The following SDK1 variants were observed in gnomAD, a reference collection of about 807,000 sequenced individuals.
SDK1 encodes protein sidekick-1.
A neutral mutation model predicts 245.5 loss-of-function variants in SDK1; 157 were observed. The ratio of observed to expected loss-of-function variants is 0.64; its 90% CI spans 0.56 to 0.73. The LOEUF (loss-of-function observed/expected upper bound fraction) is 0.73. Ranked by LOEUF, SDK1 falls within the 30% of genes least tolerant of loss-of-function variation. The pLI is 0.00. For synonymous variants in SDK1, 1,647 were observed against 1,278.5 expected (o/e 1.29, Z -6.15); for missense variants, 3,583 against 3,002.3 (o/e 1.19, Z -4.52).
Position 3,819,298 on chromosome 7 carries a change from C to T in SDK1, c.714-2152C>T, listed in dbSNP as rs556811431. On this transcript the variant is annotated intron_variant, in intron 4 of 44. Coordinates refer to ENST00000404826, the MANE Select transcript of SDK1 (RefSeq NM_152744.4). ...TTAAAAACTAAAAGAAAAAGATAAG[C>T]TTAAAGATAAAAGTTATAATAGATG... 3.3e-5 allele frequency among the ~76,000 whole-genome samples: 5 copies of T among 151,212 alleles called. No individual in the cohort carries two copies. In the South Asian group the frequency reaches 8.4e-4, roughly 25 times the overall value.
chr7:3,466,610 A>G (rs1482170917), intron 1 of SDK1, among the ~76,000 whole-genome samples: 1 of 151,220 alleles, frequency 6.6e-6, no homozygotes, highest in Non-Finnish European at 1.5e-5. Flanking sequence ...TTTTTTGAGC[A>G]TGTTCCATAT....
At chr7:3,872,562 T>C (rs1780982905) in intron 5 of SDK1, among the ~76,000 whole-genome samples, 1 of 148,742 alleles carries the variant, frequency 6.7e-6, no homozygotes, top group African/African-American at 2.5e-5. Context: ...TTTATGGTCA[T>C]AGGATTGTTT....
intron 20 of SDK1, among the ~76,000 whole-genome samples, chr7:4,072,796 G>A (rs1351899489): frequency 6.6e-6 from 1 of 152,206 alleles, no homozygotes; most frequent in Non-Finnish European, 1.5e-5. Context: ...CAGAGGCGCT[G>A]TTGGAAACGT....
At chr7:3,704,378 A>G (rs1324158740) in intron 4 of SDK1, among the ~76,000 whole-genome samples, 88 of 133,182 alleles carry the variant, frequency 6.6e-4, no homozygotes, top group South Asian at 3.6e-3. Context: ...TTTTTTTTTT[A>G]CTTTTTAATA....
At position 3,848,518 on chromosome 7, in the gene SDK1, C is replaced by T. The variant is rs963886189; in HGVS notation, c.847+26935C>T. Among the ~76,000 whole-genome samples, 40 of 151,990 alleles carry T rather than the reference C, an allele frequency of 2.6e-4. 1 individual carries two copies. The highest frequency in any genetic ancestry group is 1.9e-4 in the East Asian group (1 of 5,180). ...GAGCAGGCAGCTTTCAGAAGGAGGACGCATGGAAGGTGGATATCTACTAAT... is the reference window on the plus strand; with the variant it reads ...GAGCAGGCAGCTTTCAGAAGGAGGATGCATGGAAGGTGGATATCTACTAAT... On this transcript the variant is annotated intron_variant, in intron 5 of 44. Transcript: ENST00000404826.
chr7:3,814,354 A>G (rs989724947), intron 4 of SDK1, among the ~76,000 whole-genome samples: 6 of 148,526 alleles, frequency 4.0e-5, no homozygotes, highest in African/African-American at 1.3e-4. Flanking sequence ...TCCCAGCACC[A>G]TTTATTAAAT....
chr7:3,639,049 C>A lies in SDK1; in HGVS notation c.504C>A (p.Arg168=). The A allele has an allele frequency of 6.2e-7, 1 of 1,606,204 alleles. No individual in the cohort carries two copies. Among genetic ancestry groups the A allele is most frequent in the Non-Finnish European group, 8.5e-7 (1 of 1,174,148 alleles). ...SLQKLDAGFY[R]CVVRNRMGAL... ...AGAAGCTCGATGCTGGGTTTTACCG[C>A]TGCGTGGTGCGAAACAGAATGGGAG... Residue 168 remains arginine, a synonymous_variant, in exon 3 of 45, where the codon CGC becomes CGA. Transcript: ENST00000404826.
chr7:3,394,992 T>C (rs1469604489), intron 1 of SDK1, among the ~76,000 whole-genome samples: 1 of 152,056 alleles, frequency 6.6e-6, no homozygotes, highest in African/African-American at 2.4e-5. Context: ...GAATGTCTTT[T>C]ATTTGTTTTT....
intron 1 of SDK1, among the ~76,000 whole-genome samples, chr7:3,613,449 A>G (rs1329207274): frequency 2.6e-5 from 4 of 151,924 alleles, no homozygotes; most frequent in Non-Finnish European, 4.4e-5. Flanking sequence ...TTTCTCCACA[A>G]CCTCTCCAGC....
intron 5 of SDK1, among the ~76,000 whole-genome samples, chr7:3,889,890 C>T (rs1781418518): frequency 6.6e-6 from 1 of 152,196 alleles, no homozygotes; most frequent in African/African-American, 2.4e-5. Context: ...GCCAGTCAAC[C>T]TCTTCCAGCT....
At chr7:3,909,247 G>A (rs1204314331) in intron 5 of SDK1, among the ~76,000 whole-genome samples, 1 of 152,100 alleles carries the variant, frequency 6.6e-6, no homozygotes, top group African/African-American at 2.4e-5. Context: ...CTGTCCTCTA[G>A]TTCAGCTCTG....
chr7:3,711,917 G>C (rs1785062359), intron 4 of SDK1, among the ~76,000 whole-genome samples: 1 of 152,192 alleles, frequency 6.6e-6, no homozygotes, highest in African/African-American at 2.4e-5. Context: ...CTGTTTTCCT[G>C]TGCGGGCAAG....
intron 25 of SDK1, among the ~76,000 whole-genome samples, chr7:4,117,436 C>G (rs1351745745): frequency 6.6e-6 from 1 of 152,204 alleles, no homozygotes; most frequent in African/African-American, 2.4e-5. Context: ...CCACTGCATT[C>G]CAGCCTGGCC....
chr7:4,211,001 G>T (rs1296809959), intron 38 of SDK1, among the ~76,000 whole-genome samples: 3 of 152,134 alleles, frequency 2.0e-5, no homozygotes, highest in African/African-American at 7.2e-5. Flanking sequence ...GGCAGAGCTT[G>T]GGTGGTGCTG....
At chr7:3,992,599 G>A (rs1003396813) in intron 14 of SDK1, among the ~76,000 whole-genome samples, 5 of 152,208 alleles carry the variant, frequency 3.3e-5, no homozygotes, top group Admixed American at 3.3e-4. Flanking sequence ...AAAGCATTTG[G>A]CCCACTCTCT....
intron 32 of SDK1, among the ~76,000 whole-genome samples, chr7:4,172,382 A>G (rs1394960852): frequency 6.6e-6 from 1 of 152,130 alleles, no homozygotes; most frequent in Non-Finnish European, 1.5e-5. Context: ...CCTCGTTGCT[A>G]CCACAGTGCA....
At chr7:3,406,800 C>A (rs1043611513) in intron 1 of SDK1, among the ~76,000 whole-genome samples, 1 of 152,194 alleles carries the variant, frequency 6.6e-6, no homozygotes, top group South Asian at 2.1e-4. Flanking sequence ...TAAACATGTG[C>A]GTGTATACAT....
At chr7:3,346,266 C>G (rs1243149367) in intron 1 of SDK1, among the ~76,000 whole-genome samples, 1 of 152,124 alleles carries the variant, frequency 6.6e-6, no homozygotes, top group Non-Finnish European at 1.5e-5. Context: ...GTCTGCAGCT[C>G]TGGGGCTGGT....
intron 1 of SDK1, among the ~76,000 whole-genome samples, chr7:3,513,628 T>G (rs1299101756): frequency 2.0e-5 from 3 of 152,328 alleles, no homozygotes; most frequent in African/African-American, 7.2e-5. Flanking sequence ...CGTAATAGTT[T>G]TAAAATAATT....
Sources: gnomAD v4.1 joint callset for allele counts (sites outside exome capture counted in the v4.1 genomes callset) on GRCh38, gnomAD v4.1.1 for gene constraint, MANE v1.5 for transcripts, NCBI Gene and HGNC (gene_info 2026-07-23, HGNC 2026-07-21) for gene names.